ATP10A: variants seen among roughly 807,000 people sequenced by gnomAD.
The protein encoded by ATP10A is phospholipid-transporting ATPase VA.
ATP10A carries 111 observed loss-of-function variants against 147.8 expected under a neutral mutation model. The observed-to-expected ratio is 0.75, with a 90% CI of 0.64 to 0.88. The LOEUF is 0.88. Among genes scored for constraint, ATP10A ranks in the 40% least tolerant of loss-of-function variants. The pLI is 0.00. For synonymous variants in ATP10A, 875 were observed against 841.6 expected, an observed-to-expected ratio of 1.04 and a Z score of -0.69; for missense variants, 1,927 against 1,959.0, an observed-to-expected ratio of 0.98 and a Z score of 0.31.
intron 2 of ATP10A, among the ~76,000 whole-genome samples, chr15:25,749,982 TTTCAAGAAGCCAATA>T: frequency 1.3e-5 from 2 of 152,210 alleles, no homozygotes; most frequent in Middle Eastern, 3.4e-3. Context: ...TGTAAAACAA[TTTCAAGAAGCCAATA>T]TTCTATTACT....
intron 13 of ATP10A, among the ~76,000 whole-genome samples, chr15:25,698,249 T>G (rs1016003128): frequency 6.6e-6 from 1 of 152,214 alleles, no homozygotes; most frequent in African/African-American, 2.4e-5. Flanking sequence ...GAAATAAGTC[T>G]GTACTATCCT....
intron 2 of ATP10A, among the ~76,000 whole-genome samples, chr15:25,750,179 TAA>T (rs900230230): frequency 6.8e-6 from 1 of 147,652 alleles, no homozygotes; most frequent in African/African-American, 2.5e-5. Flanking sequence ...AACTAGTAAT[TAA>T]AAAAAAAACT....
At chr15:25,783,005 TAAAAAAAAATTA>T (rs1889997037) in intron 1 of ATP10A, among the ~76,000 whole-genome samples, 1 of 150,048 alleles carries the variant, frequency 6.7e-6, no homozygotes, top group African/African-American at 2.5e-5. Context: ...CCCCCATCTC[TAAAAAAAAATTA>T]AAAAAAAAAT....
intron 1 of ATP10A, among the ~76,000 whole-genome samples, chr15:25,786,617 C>CTTTTTT (rs35892408): frequency 1.7e-4 from 12 of 68,902 alleles, no homozygotes; most frequent in East Asian, 5.1e-4. Context: ...TCATTATCAT[C>CTTTTTT]TTTTTTTTTT....
rs111578375 is a variant in ATP10A, at chr15:25,760,531, C to A, written c.654+20488G>T. Among the ~76,000 whole-genome samples the A allele has an allele frequency of 4.1e-3, 617 of 152,246 alleles. 6 individuals carry two copies. The highest frequency in any genetic ancestry group is 0.014 in the African/African-American group (589 of 41,532). On this transcript the variant is annotated intron_variant, in intron 2 of 20. Coordinates refer to ENST00000555815, the MANE Select transcript of ATP10A (RefSeq NM_024490.4). ...CACTTACAATCTTCAAGTGTTATGT[C>A]TTCAGGGCAGTTCATGGAAAGAATG... is the stretch of plus-strand genomic sequence containing the variant.
At chr15:25,839,320 T>A (rs971901253) in intron 1 of ATP10A, among the ~76,000 whole-genome samples, 2 of 152,220 alleles carry the variant, frequency 1.3e-5, no homozygotes, top group African/African-American at 4.8e-5. Context: ...CAGGAGTTAA[T>A]GTAATCTCAT....
chr15:25,816,439 C>A (rs187475897), intron 1 of ATP10A, among the ~76,000 whole-genome samples: 1 of 152,146 alleles, frequency 6.6e-6, no homozygotes, highest in African/African-American at 2.4e-5. Context: ...TCCTTTCTGA[C>A]GGTCCCTAAA....
At chr15:25,811,829 T>C (rs769974405) in intron 1 of ATP10A, among the ~76,000 whole-genome samples, 2 of 152,114 alleles carry the variant, frequency 1.3e-5, no homozygotes, top group Admixed American at 6.5e-5. Context: ...TGTCCTCCCA[T>C]CACGCACCTG....
intron 14 of ATP10A, among the ~76,000 whole-genome samples, chr15:25,694,268 G>A (rs1900188536): frequency 6.6e-6 from 1 of 152,268 alleles, no homozygotes; most frequent in South Asian, 2.1e-4. Flanking sequence ...AATAACTGGT[G>A]TAAAACTGAG....
intron 2 of ATP10A, among the ~76,000 whole-genome samples, chr15:25,777,532 TAC>T (rs1889673629): frequency 6.6e-6 from 1 of 152,000 alleles, no homozygotes; most frequent in African/African-American, 2.4e-5. Context: ...GTTGGGAGGG[TAC>T]TCTTCCCTGA....
At chr15:25,681,986 G>A (rs531661588) in intron 17 of ATP10A, among the ~76,000 whole-genome samples, 13 of 150,066 alleles carry the variant, frequency 8.7e-5, no homozygotes, top group South Asian at 2.1e-4. Context: ...CCCGGGAGGC[G>A]GAGCTTGCAG....
At chr15:25,754,974 G>C (rs962177089) in intron 2 of ATP10A, among the ~76,000 whole-genome samples, 1 of 152,122 alleles carries the variant, frequency 6.6e-6, no homozygotes, top group African/African-American at 2.4e-5. Context: ...ATTATAAAAA[G>C]CTAATGAAAA....
rs1047700 is a variant in ATP10A at position 25,679,392 on chromosome 15, T to C, written c.4449A>G (p.Gln1483=). ...CTATAAGTAGTCTGTGGTCTGGCCC[T>C]TGAAGTCCTGATCGGCCTGAGTGGG... ...VQPHSGRSGL[Q]GPDHRLLIGA... is the part of the protein sequence containing the mutation. Residue 1483 remains glutamine, a synonymous_variant, in exon 21 of 21, where the codon CAA becomes CAG. Coordinates refer to ENST00000555815, the MANE Select transcript of ATP10A (RefSeq NM_024490.4). 278,339 of 1,608,892 alleles carry C rather than the reference T, an allele frequency of 0.17. 28,022 individuals carry two copies. Among genetic ancestry groups the C allele is most frequent in the African/African-American group, 0.38 (28,801 of 74,862 alleles).
intron 1 of ATP10A, among the ~76,000 whole-genome samples, chr15:25,797,306 T>A (rs1008327069): frequency 3.3e-5 from 5 of 152,226 alleles, no homozygotes; most frequent in Admixed American, 1.3e-4. Context: ...GTTGGAAATG[T>A]AATTTTTTCA....
chr15:25,824,633 G>A (rs1486427565), intron 1 of ATP10A, among the ~76,000 whole-genome samples: 1 of 150,952 alleles, frequency 6.6e-6, no homozygotes, highest in African/African-American at 2.4e-5. Context: ...AGATGGTGGA[G>A]TGAAGGACCT....
intron 1 of ATP10A, among the ~76,000 whole-genome samples, chr15:25,800,292 T>C (rs1044274788): frequency 8.5e-5 from 13 of 152,190 alleles, no homozygotes; most frequent in African/African-American, 2.4e-4. Context: ...GAGTTTTCTA[T>C]GTCCTGGACA....
chr15:25,734,145 C>T (rs771667246), intron 3 of ATP10A, among the ~76,000 whole-genome samples: 3 of 152,158 alleles, frequency 2.0e-5, no homozygotes, highest in Middle Eastern at 3.2e-3. Flanking sequence ...CAATACAATG[C>T]TCCTCCCGTC....
chr15:25,727,566 A>G (rs1372829125), intron 3 of ATP10A, among the ~76,000 whole-genome samples: 2 of 152,194 alleles, frequency 1.3e-5, no homozygotes, highest in East Asian at 3.9e-4. Flanking sequence ...ACCACTAGGA[A>G]GGGCAAACTC....
At chr15:25,829,136 AC>A (rs1266433616) in intron 1 of ATP10A, among the ~76,000 whole-genome samples, 1 of 152,194 alleles carries the variant, frequency 6.6e-6, no homozygotes, top group Non-Finnish European at 1.5e-5. Context: ...TCTGGTAATA[AC>A]ACAAGTGTAT....
Sources: gnomAD v4.1 joint callset for allele counts (sites outside exome capture counted in the v4.1 genomes callset) on GRCh38, gnomAD v4.1.1 for gene constraint, MANE v1.5 for transcripts, NCBI Gene and HGNC (gene_info 2026-07-23, HGNC 2026-07-21) for gene names.